The following SAMD8 variants were observed in gnomAD, a reference collection of about 807,000 sequenced individuals.
SAMD8 encodes the protein sphingomyelin synthase-related protein 1.
In SAMD8, 20 loss-of-function variants were observed where a neutral mutation model predicts 42.0. The ratio of observed to expected loss-of-function variants is 0.48; its 90% CI spans 0.34 to 0.69. The LOEUF is 0.69. Ranked by LOEUF, SAMD8 falls within the 30% of genes least tolerant of loss-of-function variation. SAMD8 has a pLI of 0.01. For missense variants in SAMD8, 328 were observed against 511.6 expected (o/e 0.64, Z 3.46); for synonymous variants, 162 against 173.0 (o/e 0.94, Z 0.50).
Position 75,181,531 on chromosome 10 carries a change from C to T in SAMD8, c.*4839C>T, listed in dbSNP as rs1841081260. 1 of 152,190 alleles carries T rather than the reference C, an allele frequency of 6.6e-6. No homozygotes were observed. Among genetic ancestry groups the T allele is most frequent in the Non-Finnish European group, 1.5e-5 (1 of 68,048 alleles). 9.4% of individuals were successfully genotyped at this position (152,190 alleles called of 1,614,324 possible). On this transcript the variant is annotated 3_prime_UTR_variant, in exon 6 of 6. Coordinates refer to ENST00000542569, the MANE Select transcript of SAMD8 (RefSeq NM_001174156.2). ...TCTCTGAAATCTGTAAGCCATATTT[C>T]AGCTATTCTGGTTTTTATAATACAT...
At chr10:75,159,896 A>G (rs1212102794) in intron 2 of SAMD8, among the ~76,000 whole-genome samples, 1 of 152,200 alleles carries the variant, frequency 6.6e-6, no homozygotes, top group Non-Finnish European at 1.5e-5. Context: ...TGTTTGTTTC[A>G]GGGTCTGCTT....
intron 1 of SAMD8, among the ~76,000 whole-genome samples, chr10:75,136,638 G>T (rs921805113): frequency 2.0e-5 from 3 of 152,130 alleles, no homozygotes; most frequent in Admixed American, 1.3e-4. Context: ...ATTTAAATTG[G>T]CCTGTCAGAG....
At chr10:75,138,271 C>A (rs1839936595) in intron 1 of SAMD8, among the ~76,000 whole-genome samples, 1 of 152,186 alleles carries the variant, frequency 6.6e-6, no homozygotes, top group Non-Finnish European at 1.5e-5. Context: ...GCCACAGGCA[C>A]TGAGTCAGAG....
chr10:75,112,529 G>A (rs1400047687), intron 1 of SAMD8, among the ~76,000 whole-genome samples: 2 of 152,200 alleles, frequency 1.3e-5, no homozygotes, highest in African/African-American at 4.8e-5. Flanking sequence ...TTTGCCTAAA[G>A]GACTGGGGGA....
chr10:75,115,715 C>T (rs373496585), intron 1 of SAMD8, among the ~76,000 whole-genome samples: 3 of 151,952 alleles, frequency 2.0e-5, no homozygotes, highest in South Asian at 2.1e-4. Flanking sequence ...CCGAGGCGGG[C>T]GGATCACGAG....
chr10:75,168,481 C>G, intron 3 of SAMD8, 60 bp from the exon 4 acceptor site: 1 of 1,590,882 alleles, frequency 6.3e-7, no homozygotes. Context: ...TATTTGATGC[C>G]TGGGGTTTTT....
At chr10:75,157,895 C>T (rs1362308669) in intron 2 of SAMD8, among the ~76,000 whole-genome samples, 1 of 152,180 alleles carries the variant, frequency 6.6e-6, no homozygotes, top group Non-Finnish European at 1.5e-5. Context: ...CGCGGTGTCT[C>T]ACGCCTATAA....
At chr10:75,142,256 T>C (rs1467428566) in intron 1 of SAMD8, among the ~76,000 whole-genome samples, 1 of 151,962 alleles carries the variant, frequency 6.6e-6, no homozygotes. Context: ...CCTTTGTTAT[T>C]GATTTCTGCC....
chr10:75,176,734 T>G lies in SAMD8; in HGVS notation c.*42T>G, dbSNP rs556842500. ...GAATTTGTGATTAAATATATAATAG[T>G]TGTTGAAAATGAGTAACTTTGCGTT... On this transcript the variant is annotated 3_prime_UTR_variant, in exon 6 of 6. Coordinates refer to ENST00000542569, the MANE Select transcript of SAMD8 (RefSeq NM_001174156.2). This position sits in a 1 kb window ranked among gnomAD's most constrained non-coding sequence, Gnocchi z 4.3. The G allele has an allele frequency of 3.5e-4, 494 of 1,396,134 alleles. No homozygotes were observed. The highest frequency in any genetic ancestry group is 4.4e-4 in the Non-Finnish European group (458 of 1,044,432). The allele number at this position is 1,396,134 out of a possible 1,614,324, so 86.5% of individuals were successfully genotyped here.
chr10:75,119,883 T>C (rs1848965772), intron 1 of SAMD8, among the ~76,000 whole-genome samples: 1 of 152,124 alleles, frequency 6.6e-6, no homozygotes, highest in Non-Finnish European at 1.5e-5. Flanking sequence ...CTGGCCAACA[T>C]GGTGAAACCT....
At chr10:75,171,895 G>A (rs1840876440) in intron 4 of SAMD8, among the ~76,000 whole-genome samples, 2 of 151,844 alleles carry the variant, frequency 1.3e-5, no homozygotes, top group African/African-American at 2.4e-5. Flanking sequence ...GCATGGTGGC[G>A]GGCACCTGTA....
chr10:75,147,319 T>G (rs1028767456), intron 1 of SAMD8, among the ~76,000 whole-genome samples: 11 of 152,096 alleles, frequency 7.2e-5, no homozygotes, highest in African/African-American at 2.4e-4. Flanking sequence ...TGGCCTTGTA[T>G]TTTTTATTTA....
At chr10:75,157,480 T>C (rs1263195548) in intron 2 of SAMD8, among the ~76,000 whole-genome samples, 6 of 151,742 alleles carry the variant, frequency 4.0e-5, no homozygotes, top group Non-Finnish European at 5.9e-5. Context: ...AGGTAGAAAA[T>C]AGGAAAATAG....
chr10:75,119,963 G>A (rs1436415449), intron 1 of SAMD8, among the ~76,000 whole-genome samples: 4 of 152,152 alleles, frequency 2.6e-5, no homozygotes, highest in Non-Finnish European at 5.9e-5. Context: ...AGCTACTCGG[G>A]AAGCCGAGGC....
intron 4 of SAMD8, among the ~76,000 whole-genome samples, chr10:75,173,931 A>G (rs538772631): frequency 2.0e-4 from 31 of 152,366 alleles, no homozygotes; most frequent in African/African-American, 7.5e-4. Flanking sequence ...CATCTGCACA[A>G]TTAAATCACT....
intron 1 of SAMD8, among the ~76,000 whole-genome samples, chr10:75,126,150 C>A (rs1849126311): frequency 6.6e-6 from 1 of 151,938 alleles, no homozygotes; most frequent in South Asian, 2.1e-4. Flanking sequence ...GTACTTTATT[C>A]ATCTCTATCC....
In SAMD8 at chr10:75,164,607, A is replaced by G. The variant is rs765613882; in HGVS notation, c.579-38A>G. The G allele has an allele frequency of 5.6e-6, 9 of 1,597,704 alleles. No individual in the cohort carries two copies. The South Asian group carries it at 7.7e-5, about 14-fold the overall frequency. ...GAAAAGGGTGGCATCATTCACATGT[A>G]TACTTCTTCAATTCAAAATCATTTT... On this transcript the variant is annotated intron_variant, in intron 2 of 5. Coordinates refer to ENST00000542569, the MANE Select transcript of SAMD8 (RefSeq NM_001174156.2).
intron 1 of SAMD8, among the ~76,000 whole-genome samples, chr10:75,141,008 T>G (rs1249442482): frequency 6.6e-6 from 1 of 152,170 alleles, no homozygotes; most frequent in Non-Finnish European, 1.5e-5. Flanking sequence ...AAATGGTATT[T>G]TATACATTTT....
chr10:75,144,918 C>CAA (rs1840099348), intron 1 of SAMD8, among the ~76,000 whole-genome samples: 1 of 152,206 alleles, frequency 6.6e-6, no homozygotes. Context: ...CTCAGCCTCC[C>CAA]AAAGTGTTGG....
Sources: allele counts gnomAD v4.1 joint callset (sites outside exome capture counted in the v4.1 genomes callset), GRCh38; gene constraint gnomAD v4.1.1; non-coding constraint Gnocchi (gnomAD v3.1); transcripts MANE v1.5; gene names NCBI Gene and HGNC (gene_info 2026-07-23, HGNC 2026-07-21).